PELI2: variants seen among roughly 807,000 people sequenced by gnomAD.
The protein encoded by PELI2 is pellino E3 ubiquitin protein ligase family member 2.
Under a neutral mutation model 42.3 loss-of-function variants are expected in PELI2, and 23 were observed. The observed-to-expected ratio is 0.54, with a 90% CI of 0.39 to 0.77. PELI2 has a LOEUF of 0.77. Among genes scored for constraint, PELI2 ranks in the 30% least tolerant of loss-of-function variants. The probability of loss-of-function intolerance (pLI) is 0.00; values close to 1 mark genes in which losing one functional copy is unlikely to be tolerated. For missense variants in PELI2, 463 were observed against 553.2 expected (o/e 0.84, Z 1.64); for synonymous variants, 245 against 212.2 (o/e 1.15, Z -1.34).
intron 2 of PELI2, among the ~76,000 whole-genome samples, chr14:56,243,271 G>A (rs1276911245): frequency 6.6e-6 from 1 of 152,212 alleles, no homozygotes; most frequent in African/African-American, 2.4e-5. Flanking sequence ...TCACTTGGGA[G>A]TGTGTCTTTT....
chr14:56,187,582 G>T (rs1283030861), intron 2 of PELI2, among the ~76,000 whole-genome samples: 2 of 152,290 alleles, frequency 1.3e-5, no homozygotes, highest in East Asian at 3.9e-4. Context: ...ACTTGGAATG[G>T]TTGTGGCCTG....
chr14:56,152,902 TCTCA>T (rs2139624586), intron 1 of PELI2, among the ~76,000 whole-genome samples: 1 of 152,310 alleles, frequency 6.6e-6, no homozygotes, highest in African/African-American at 2.4e-5. Flanking sequence ...TCTAGTTATT[TCTCA>T]CTCCTTTTTC....
At chr14:56,238,744 T>G (rs1887879939) in intron 2 of PELI2, among the ~76,000 whole-genome samples, 1 of 152,210 alleles carries the variant, frequency 6.6e-6, no homozygotes, top group Admixed American at 6.5e-5. Context: ...GACACGAAGC[T>G]TGTATCTAAA....
At chr14:56,122,998 A>G (rs186250112) in intron 1 of PELI2, among the ~76,000 whole-genome samples, 1 of 152,328 alleles carries the variant, frequency 6.6e-6, no homozygotes, top group East Asian at 1.9e-4. Flanking sequence ...AAAGAGGGTA[A>G]GAACCTCTAC....
At chr14:56,120,786 G>A (rs952897698) in intron 1 of PELI2, among the ~76,000 whole-genome samples, 1 of 152,220 alleles carries the variant, frequency 6.6e-6, no homozygotes, top group South Asian at 2.1e-4. Context: ...AACTTGGAGA[G>A]TGACTGCTTA....
At chr14:56,126,578 T>TA (rs1050239760) in intron 1 of PELI2, among the ~76,000 whole-genome samples, 3 of 152,222 alleles carry the variant, frequency 2.0e-5, no homozygotes, top group Non-Finnish European at 4.4e-5. Context: ...GCTATTGGTA[T>TA]AAAACGGCTG....
intron 1 of PELI2, among the ~76,000 whole-genome samples, chr14:56,138,064 G>A (rs1446643963): frequency 6.6e-6 from 1 of 152,162 alleles, no homozygotes; most frequent in African/African-American, 2.4e-5. Context: ...CCGCGATGTG[G>A]GTCAGCCAGG....
At chr14:56,168,014 C>T (rs1286074645) in intron 1 of PELI2, among the ~76,000 whole-genome samples, 2 of 152,186 alleles carry the variant, frequency 1.3e-5, no homozygotes, top group African/African-American at 4.8e-5. Flanking sequence ...TTACTTTCTC[C>T]CAGCCATACA....
intron 1 of PELI2, among the ~76,000 whole-genome samples, chr14:56,175,082 A>G (rs12893633): frequency 4.6e-5 from 7 of 152,012 alleles, no homozygotes; most frequent in African/African-American, 1.7e-4. Context: ...TGTAGTCTCC[A>G]CTTTCCTGGC....
intron 2 of PELI2, among the ~76,000 whole-genome samples, chr14:56,233,986 G>A (rs554884650): frequency 8.9e-4 from 136 of 152,184 alleles, no homozygotes; most frequent in Middle Eastern, 3.4e-3. Flanking sequence ...TGCAGCCAAC[G>A]GACACATGAA....
At chr14:56,142,768 A>C (rs956602418) in intron 1 of PELI2, among the ~76,000 whole-genome samples, 1 of 152,140 alleles carries the variant, frequency 6.6e-6, no homozygotes, top group Non-Finnish European at 1.5e-5. Context: ...TTTCAAATAA[A>C]AAAGATGAAA....
intron 2 of PELI2, among the ~76,000 whole-genome samples, chr14:56,232,738 A>G (rs1887634053): frequency 7.5e-6 from 1 of 133,550 alleles, no homozygotes; most frequent in East Asian, 2.1e-4. Flanking sequence ...TATTCAACAT[A>G]CTGTTGGAAG....
At chr14:56,276,785 G>C (rs1889306070) in intron 2 of PELI2, among the ~76,000 whole-genome samples, 1 of 152,056 alleles carries the variant, frequency 6.6e-6, no homozygotes, top group Non-Finnish European at 1.5e-5. Context: ...TAACCTAAAA[G>C]CATTCCCCTT....
rs555806223 is a variant in PELI2 at position 56,129,418 on chromosome 14, T to C, written c.77+10681T>C. Among the ~76,000 whole-genome samples the C allele has an allele frequency of 2.6e-5, 4 of 152,232 alleles. No individual in the cohort carries two copies. In the East Asian group the frequency reaches 7.7e-4, roughly 29 times the overall value. ...ATTTGGGCACTCAGTGGTTTGATTT[T>C]GAAACTTGTGCTGGAACCAGTGAAT... On this transcript the variant is annotated intron_variant, in intron 1 of 5. Coordinates refer to ENST00000267460, the MANE Select transcript of PELI2 (RefSeq NM_021255.3).
Position 56,162,515 on chromosome 14 carries a change from A to G in PELI2, c.78-15820A>G, listed in dbSNP as rs142681391. Among the ~76,000 whole-genome samples the G allele has an allele frequency of 6.3e-3, 959 of 152,268 alleles. 8 individuals are homozygous for G. The highest frequency in any genetic ancestry group is 0.022 in the African/African-American group (927 of 41,552). Reference sequence around the variant, plus strand: ...ATTTTCTCTATCCATTCATCTGTTGATGGATACCTAGGTTGCTTCCAAATC... The same window carrying G: ...ATTTTCTCTATCCATTCATCTGTTGGTGGATACCTAGGTTGCTTCCAAATC... On this transcript the variant is annotated intron_variant, in intron 1 of 5. Coordinates refer to ENST00000267460, the MANE Select transcript of PELI2 (RefSeq NM_021255.3).
chr14:56,171,727 G>A (rs753044947), intron 1 of PELI2, among the ~76,000 whole-genome samples: 3 of 152,084 alleles, frequency 2.0e-5, no homozygotes, highest in Non-Finnish European at 2.9e-5. Context: ...AAAATAGATT[G>A]GGGACCAGCT....
intron 2 of PELI2, among the ~76,000 whole-genome samples, chr14:56,242,575 C>G (rs1469424823): frequency 2.6e-5 from 4 of 152,128 alleles, no homozygotes; most frequent in Admixed American, 6.5e-5. Context: ...GCACAACTTG[C>G]AATTGCAAAA....
chr14:56,191,939 C>CT (rs1343407938), intron 2 of PELI2, among the ~76,000 whole-genome samples: 23 of 152,030 alleles, frequency 1.5e-4, no homozygotes, highest in Admixed American at 7.9e-4. Context: ...ACTGCAACCT[C>CT]TGTCACCCAG....
intron 2 of PELI2, among the ~76,000 whole-genome samples, chr14:56,205,593 C>T (rs904464227): frequency 1.3e-5 from 2 of 152,054 alleles, no homozygotes; most frequent in Non-Finnish European, 1.5e-5. Context: ...GGCAGTAATT[C>T]TATAGAAAGT....
Sources: allele counts gnomAD v4.1 joint callset (sites outside exome capture counted in the v4.1 genomes callset), GRCh38; gene constraint gnomAD v4.1.1; transcripts MANE v1.5; gene names NCBI Gene and HGNC (gene_info 2026-07-23, HGNC 2026-07-21).